Variants in ANGPT1 observed in about 807,000 individuals in gnomAD.
ANGPT1 encodes the protein angiopoietin 1.
In ANGPT1, 17 loss-of-function variants were observed where a neutral mutation model predicts 62.2. The observed-to-expected ratio is 0.27, with a 90% CI of 0.19 to 0.41. The LOEUF is 0.41. Ranked by LOEUF, ANGPT1 falls within the 10% of genes least tolerant of loss-of-function variation. The probability of loss-of-function intolerance (pLI) is 1.00; values close to 1 mark genes in which losing one functional copy is unlikely to be tolerated. For missense variants in ANGPT1, 478 were observed against 594.9 expected, an observed-to-expected ratio of 0.80 and a Z score of 2.04; for synonymous variants, 199 against 198.9, an observed-to-expected ratio of 1.00 and a Z score of 0.00.
intron 1 of ANGPT1, among the ~76,000 whole-genome samples, chr8:107,440,105 A>G (rs972258306): frequency 6.6e-6 from 1 of 152,168 alleles, no homozygotes; most frequent in Non-Finnish European, 1.5e-5. Context: ...CCATAAACAG[A>G]AAGAAATATG....
rs79461373 is a variant in ANGPT1 at position 107,283,149 on chromosome 8, C to T, written c.1205+1533G>A. Among the ~76,000 whole-genome samples, 1,112 of 152,242 alleles carry T rather than the reference C, an allele frequency of 7.3e-3. 14 individuals carry two copies. Among genetic ancestry groups the T allele is most frequent in the African/African-American group, 0.025 (1,025 of 41,532 alleles). On this transcript the variant is annotated intron_variant, in intron 7 of 8. Coordinates refer to ENST00000517746, the MANE Select transcript of ANGPT1 (RefSeq NM_001146.5). Reference sequence around the variant, plus strand: ...TATTGTCAGGCTGTCTGACATTAGCCAAGTTTCATATAGTTTCAAGTTTCA... The same window carrying T: ...TATTGTCAGGCTGTCTGACATTAGCTAAGTTTCATATAGTTTCAAGTTTCA...
intron 1 of ANGPT1, among the ~76,000 whole-genome samples, chr8:107,396,104 A>T (rs1439389157): frequency 6.6e-6 from 1 of 152,200 alleles, no homozygotes; most frequent in Non-Finnish European, 1.5e-5. Flanking sequence ...TATTCTTTTG[A>T]TAGTGATAGA....
At chr8:107,373,457 A>T (rs1816458124) in intron 1 of ANGPT1, among the ~76,000 whole-genome samples, 1 of 152,210 alleles carries the variant, frequency 6.6e-6, no homozygotes, top group African/African-American at 2.4e-5. Context: ...TGGAAACTGG[A>T]TAGCAAATGC....
At chr8:107,273,148 T>C (rs979410521) in intron 7 of ANGPT1, among the ~76,000 whole-genome samples, 2 of 152,062 alleles carry the variant, frequency 1.3e-5, no homozygotes, top group African/African-American at 4.8e-5. Flanking sequence ...GTGATTGAAA[T>C]TGGTGATTTT....
intron 1 of ANGPT1, among the ~76,000 whole-genome samples, chr8:107,453,996 T>C (rs1047164255): frequency 1.3e-5 from 2 of 152,096 alleles, no homozygotes; most frequent in Non-Finnish European, 1.5e-5. Context: ...GTCTCTGTTA[T>C]GTGGTGGTGA....
At position 107,249,691 on chromosome 8, in the gene ANGPT1, GATTT is replaced by G. The variant is rs1391048633; in HGVS notation, c.*2160_*2163del. 3.3e-5 allele frequency: 5 copies of G among 151,980 alleles called. No homozygotes were observed. The East Asian group carries it at 5.8e-4, about 18-fold the overall frequency. 9.4% of individuals were successfully genotyped at this position (151,980 alleles called of 1,614,324 possible). A position where few individuals can be genotyped will look rare whatever the true frequency, so the allele number is the denominator to read the frequency against. The stretch of plus-strand genomic sequence containing the variant: ...TAACAATCATAAAACATTTTATACT[GATTT>G]ATTATAAATAATTGGAAACAATATT... On this transcript the variant is annotated 3_prime_UTR_variant, in exon 9 of 9. Transcript: ENST00000517746.
At chr8:107,428,764 T>C (rs1333600162) in intron 1 of ANGPT1, among the ~76,000 whole-genome samples, 4 of 152,182 alleles carry the variant, frequency 2.6e-5, no homozygotes, top group Non-Finnish European at 5.9e-5. Context: ...TTCACCTTTA[T>C]GGGAATCCCA....
intron 8 of ANGPT1, among the ~76,000 whole-genome samples, chr8:107,255,481 G>C (rs565159895): frequency 6.6e-6 from 1 of 152,182 alleles, no homozygotes; most frequent in East Asian, 1.9e-4. Flanking sequence ...CGGAGCAGAA[G>C]TTAGAAGACC....
chr8:107,353,876 T>A (rs1458170774), intron 1 of ANGPT1, among the ~76,000 whole-genome samples: 2 of 152,096 alleles, frequency 1.3e-5, no homozygotes, highest in Non-Finnish European at 2.9e-5. Flanking sequence ...GTAAATATTC[T>A]TTCTGCTTGA....
At chr8:107,407,383 C>T (rs1463072028) in intron 1 of ANGPT1, among the ~76,000 whole-genome samples, 6 of 151,894 alleles carry the variant, frequency 4.0e-5, no homozygotes, top group Non-Finnish European at 7.4e-5. Flanking sequence ...GATGGATGAA[C>T]TGCTTTTGAA....
chr8:107,267,317 T>C (rs1051456637), intron 7 of ANGPT1, among the ~76,000 whole-genome samples: 1 of 152,162 alleles, frequency 6.6e-6, no homozygotes, highest in Non-Finnish European at 1.5e-5. Context: ...TGTATGAATA[T>C]ATCATCAATA....
At chr8:107,337,227 A>G (rs780423159) in intron 2 of ANGPT1, among the ~76,000 whole-genome samples, 1 of 152,222 alleles carries the variant, frequency 6.6e-6, no homozygotes, top group Non-Finnish European at 1.5e-5. Flanking sequence ...TGCTTTGCAA[A>G]GAAAATTAAG....
chr8:107,323,981 G>A (rs557113710), intron 3 of ANGPT1, among the ~76,000 whole-genome samples: 4 of 151,476 alleles, frequency 2.6e-5, no homozygotes, highest in Admixed American at 6.6e-5. Context: ...GGGTTTTGCC[G>A]TGTTGGCCAG....
chr8:107,450,413 G>A (rs1433166), intron 1 of ANGPT1, among the ~76,000 whole-genome samples: 78,792 of 151,462 alleles, frequency 0.52, 21,027 homozygotes, highest in Middle Eastern at 0.6. Context: ...ATTTCTTGAC[G>A]CAGCAATATA....
At chr8:107,364,146 G>T (rs1346346961) in intron 1 of ANGPT1, among the ~76,000 whole-genome samples, 2 of 152,014 alleles carry the variant, frequency 1.3e-5, no homozygotes, top group African/African-American at 2.4e-5. Context: ...CCAGCCTTAA[G>T]GCCACCAGTG....
chr8:107,492,864 G>A (rs1813000637), intron 1 of ANGPT1, among the ~76,000 whole-genome samples: 1 of 150,206 alleles, frequency 6.7e-6, no homozygotes, highest in Non-Finnish European at 1.5e-5. Context: ...GTTCTCATGT[G>A]CATATAGTAT....
At chr8:107,260,829 A>T (rs1813474088) in intron 8 of ANGPT1, among the ~76,000 whole-genome samples, 1 of 152,226 alleles carries the variant, frequency 6.6e-6, no homozygotes, top group Non-Finnish European at 1.5e-5. Context: ...ATTGGTGAGT[A>T]AGAATTGGGT....
chr8:107,362,963 T>C lies in ANGPT1; in HGVS notation c.298-15866A>G, dbSNP rs1816196137. Among the ~76,000 whole-genome samples the C allele has an allele frequency of 2.0e-5, 3 of 152,210 alleles. No individual in the cohort carries two copies. In the South Asian group the frequency reaches 6.2e-4, roughly 31 times the overall value. On this transcript the variant is annotated intron_variant, in intron 1 of 8. Transcript: ENST00000517746. Reference sequence around the variant, plus strand: ...GAATCTTTGCAATCTACATGACTTCTTCCAAACTGGGGGAAATGTCTTGGT... The same window carrying C: ...GAATCTTTGCAATCTACATGACTTCCTCCAAACTGGGGGAAATGTCTTGGT...
chr8:107,464,610 T>C (rs552745211), intron 1 of ANGPT1, among the ~76,000 whole-genome samples: 30 of 152,226 alleles, frequency 2.0e-4, no homozygotes, highest in African/African-American at 7.2e-4. Context: ...GCCTCTAGAA[T>C]CACGCTCTCT....
Sources: gnomAD v4.1 joint callset for allele counts (sites outside exome capture counted in the v4.1 genomes callset) on GRCh38, gnomAD v4.1.1 for gene constraint, MANE v1.5 for transcripts, NCBI Gene and HGNC (gene_info 2026-07-23, HGNC 2026-07-21) for gene names.